Variants in NR1H4 observed in about 807,000 individuals in gnomAD.
NR1H4 encodes nuclear receptor subfamily 1 group H member 4, also known as bile acid receptor.
NR1H4 carries 23 observed loss-of-function variants against 58.5 expected under a neutral mutation model. The observed-to-expected ratio is 0.39, with a 90% CI of 0.28 to 0.56. The LOEUF (loss-of-function observed/expected upper bound fraction) is 0.56. Ranked by LOEUF, NR1H4 falls within the 20% of genes least tolerant of loss-of-function variation. The pLI is 0.58. For missense variants in NR1H4, 487 were observed against 576.9 expected (o/e 0.84, Z 1.60); for synonymous variants, 214 against 198.0 (o/e 1.08, Z -0.68).
At chr12:100,508,799 C>G (rs938193280) in intron 3 of NR1H4, among the ~76,000 whole-genome samples, 18 of 152,170 alleles carry the variant, frequency 1.2e-4, no homozygotes, top group African/African-American at 3.9e-4. Context: ...TTGAAATCCC[C>G]AAAGCCCCAA....
chr12:100,555,218 C>A (rs1475919812), intron 9 of NR1H4, among the ~76,000 whole-genome samples: 1 of 152,108 alleles, frequency 6.6e-6, no homozygotes, highest in Non-Finnish European at 1.5e-5. Context: ...ATCCCTAAAT[C>A]TTCATGTACT....
chr12:100,530,604 G>T (rs1954668326), intron 4 of NR1H4, among the ~76,000 whole-genome samples: 1 of 152,198 alleles, frequency 6.6e-6, no homozygotes. Flanking sequence ...GGAATGAAGA[G>T]ATCAGGAGTT....
intron 4 of NR1H4, among the ~76,000 whole-genome samples, chr12:100,528,430 A>T (rs1238106508): frequency 1.3e-5 from 2 of 151,950 alleles, no homozygotes; most frequent in Non-Finnish European, 2.9e-5. Flanking sequence ...CGAGGAATCC[A>T]TGTAAAAGTA....
chr12:100,497,438 C>T (rs1347532909), intron 3 of NR1H4, among the ~76,000 whole-genome samples: 1 of 152,142 alleles, frequency 6.6e-6, no homozygotes, highest in Non-Finnish European at 1.5e-5. Flanking sequence ...GATGTGACAG[C>T]TCCACCAGAA....
At chr12:100,484,733 T>C (rs1953454200) in intron 1 of NR1H4, among the ~76,000 whole-genome samples, 1 of 152,180 alleles carries the variant, frequency 6.6e-6, no homozygotes, top group Non-Finnish European at 1.5e-5. Flanking sequence ...CTCCTTCTTT[T>C]ACTGCTTCCC....
intron 3 of NR1H4, among the ~76,000 whole-genome samples, chr12:100,508,685 G>A (rs539865190): frequency 1.3e-5 from 2 of 152,222 alleles, no homozygotes; most frequent in South Asian, 2.1e-4. Flanking sequence ...CTGCTACTAC[G>A]AAGAACTCTA....
intron 3 of NR1H4, among the ~76,000 whole-genome samples, chr12:100,496,104 ACTT>A (rs1953709714): frequency 6.6e-6 from 1 of 152,358 alleles, no homozygotes; most frequent in Non-Finnish European, 1.5e-5. Context: ...GATAGCTGTC[ACTT>A]CTTCTCTTCA....
intron 1 of NR1H4, among the ~76,000 whole-genome samples, chr12:100,480,856 A>T (rs1467364390): frequency 6.6e-6 from 1 of 152,202 alleles, no homozygotes; most frequent in Non-Finnish European, 1.5e-5. Context: ...CTGGAATGAA[A>T]GGACTGAGAT....
At chr12:100,511,185 T>C (rs971872993) in intron 4 of NR1H4, 42 bp downstream of exon 4, 1 of 1,613,840 alleles carries the variant, frequency 6.2e-7, no homozygotes, top group Non-Finnish European at 8.5e-7. Flanking sequence ...CAGGTTTTAC[T>C]ATATTGGTTG....
chr12:100,528,309 G>A (rs1302843080), intron 4 of NR1H4, among the ~76,000 whole-genome samples: 3 of 152,076 alleles, frequency 2.0e-5, no homozygotes, highest in African/African-American at 7.2e-5. Context: ...AGAGGTTGCA[G>A]TGAGCTGAGA....
At chr12:100,558,204 C>CA (rs569114964) in intron 9 of NR1H4, among the ~76,000 whole-genome samples, 8,510 of 84,784 alleles carry the variant, frequency 0.1, 405 homozygotes, top group East Asian at 0.29. Flanking sequence ...ACTAAAAATA[C>CA]AAAAAAAAAA....
chr12:100,476,769 C>T (rs1953280063), intron 1 of NR1H4, among the ~76,000 whole-genome samples: 1 of 152,124 alleles, frequency 6.6e-6, no homozygotes, highest in Admixed American at 6.5e-5. Context: ...TGCCTGTGAT[C>T]CCAGCAGCTC....
At chr12:100,559,622 G>T (rs1955417012) in intron 9 of NR1H4, among the ~76,000 whole-genome samples, 1 of 152,222 alleles carries the variant, frequency 6.6e-6, no homozygotes, top group African/African-American at 2.4e-5. Flanking sequence ...TTCCCGAGGG[G>T]CAGGGCTCGG....
chr12:100,519,865 G>A (rs750375039), intron 4 of NR1H4, among the ~76,000 whole-genome samples: 2 of 152,084 alleles, frequency 1.3e-5, no homozygotes, highest in African/African-American at 4.8e-5. Flanking sequence ...GCTTCCTCCC[G>A]ACTTGAATAA....
intron 1 of NR1H4, among the ~76,000 whole-genome samples, chr12:100,482,985 G>A (rs1953413690): frequency 6.6e-6 from 1 of 152,104 alleles, no homozygotes; most frequent in African/African-American, 2.4e-5. Flanking sequence ...GAGTGTAGTG[G>A]CGCAATCTCG....
At chr12:100,513,225 A>G (rs2136166959) in intron 4 of NR1H4, among the ~76,000 whole-genome samples, 1 of 152,318 alleles carries the variant, frequency 6.6e-6, no homozygotes, top group South Asian at 2.1e-4. Context: ...TACATAGTAA[A>G]TATGGAATGT....
At chr12:100,498,913 T>C (rs1391046955) in intron 3 of NR1H4, among the ~76,000 whole-genome samples, 1 of 152,084 alleles carries the variant, frequency 6.6e-6, no homozygotes, top group Non-Finnish European at 1.5e-5. Flanking sequence ...CCCATTTTCT[T>C]AGGGTGCGCT....
chr12:100,522,544 GTT>G (rs952647825), intron 4 of NR1H4, among the ~76,000 whole-genome samples: 1 of 142,920 alleles, frequency 7.0e-6, no homozygotes. Flanking sequence ...TTTTTAAAAA[GTT>G]TTTTTTTTTT....
At chr12:100,518,563 G>A (rs1954326348) in intron 4 of NR1H4, among the ~76,000 whole-genome samples, 1 of 152,290 alleles carries the variant, frequency 6.6e-6, no homozygotes, top group Admixed American at 6.5e-5. Context: ...TCTATGCCAG[G>A]GATTGGCACA....
Sources: gnomAD v4.1 joint callset for allele counts (sites outside exome capture counted in the v4.1 genomes callset) on GRCh38, gnomAD v4.1.1 for gene constraint, MANE v1.5 for transcripts, NCBI Gene and HGNC (gene_info 2026-07-23, HGNC 2026-07-21) for gene names.